NCOR1: variants seen among roughly 807,000 people sequenced by gnomAD.
NCOR1 encodes nuclear receptor corepressor 1.
NCOR1 carries 63 observed loss-of-function variants against 288.1 expected under a neutral mutation model. The ratio of observed to expected loss-of-function variants is 0.22; its 90% CI spans 0.18 to 0.27. NCOR1 has a LOEUF of 0.27. Among genes scored for constraint, NCOR1 ranks in the 10% least tolerant of loss-of-function variants. The probability of loss-of-function intolerance (pLI) is 1.00; values close to 1 mark genes in which losing one functional copy is unlikely to be tolerated. For synonymous variants in NCOR1, 1,007 were observed against 1,065.9 expected (o/e 0.94, Z 1.08); for missense variants, 2,397 against 3,019.2 (o/e 0.79, Z 4.83).
At chr17:16,052,826 G>T (rs11657912) in intron 40 of NCOR1, among the ~76,000 whole-genome samples, 66,421 of 152,012 alleles carry the variant, frequency 0.44, 15,952 homozygotes, top group Middle Eastern at 0.57. Flanking sequence ...TATCCTTGAT[G>T]AACATGAATG....
At chr17:16,210,757 TCTCA>T (rs201965095) in intron 1 of NCOR1, among the ~76,000 whole-genome samples, 2,390 of 150,784 alleles carry the variant, frequency 0.016, 60 homozygotes, top group African/African-American at 0.055. Flanking sequence ...TGAGGCAGAG[TCTCA>T]CTCAGTCACC....
Position 16,143,710 on chromosome 17 carries a change from A to G in NCOR1, c.1083-14T>C. 6.3e-7 allele frequency: 1 copy of G among 1,585,438 alleles called. No homozygotes were observed. Among genetic ancestry groups the G allele is most frequent in the Non-Finnish European group, 8.6e-7 (1 of 1,158,184 alleles). ...CTCTGCCCAACTCTAAACATGAGGG[A>G]GAAATTAAAAATATATTTAAAGACC... On this transcript the variant is annotated splice_polypyrimidine_tract_variant and intron_variant, in intron 10 of 45. Coordinates refer to ENST00000268712, the MANE Select transcript of NCOR1 (RefSeq NM_006311.4).
intron 19 of NCOR1, among the ~76,000 whole-genome samples, chr17:16,104,489 G>C (rs2068218508): frequency 6.6e-6 from 1 of 152,202 alleles, no homozygotes; most frequent in Non-Finnish European, 1.5e-5. Context: ...ATGTGATATA[G>C]GCTGAGAGTG....
At chr17:16,047,762 C>G (rs1402665018) in intron 41 of NCOR1, among the ~76,000 whole-genome samples, 1 of 152,148 alleles carries the variant, frequency 6.6e-6, no homozygotes, top group East Asian at 1.9e-4. Context: ...GAGATGAGAA[C>G]AGAGACTATA....
chr17:16,210,627 T>C (rs2092026375), intron 1 of NCOR1, among the ~76,000 whole-genome samples: 1 of 152,178 alleles, frequency 6.6e-6, no homozygotes, highest in Admixed American at 6.5e-5. Context: ...ATCAATTTTT[T>C]CAAACTATAT....
intron 4 of NCOR1, among the ~76,000 whole-genome samples, chr17:16,171,551 A>G (rs905325613): frequency 6.6e-6 from 1 of 152,242 alleles, no homozygotes; most frequent in Admixed American, 6.5e-5. Flanking sequence ...GCATTATTTA[A>G]TAGAAATTCT....
intron 20 of NCOR1, 192 bp from the exon 21 acceptor site, chr17:16,098,688 A>G (rs1218980358): frequency 1.7e-5 from 7 of 416,248 alleles, no homozygotes; most frequent in Non-Finnish European, 2.9e-5. Flanking sequence ...TTTTCCAGAT[A>G]AAGAAACTGA....
chr17:16,044,520 G>C (rs1296527270), intron 42 of NCOR1: 1 of 486,926 alleles, frequency 2.1e-6, no homozygotes, highest in Non-Finnish European at 4.2e-6. Flanking sequence ...CACAGTGCTT[G>C]GTCCTTCCAA....
chr17:16,127,275 A>G (rs924396819), intron 14 of NCOR1, among the ~76,000 whole-genome samples: 1 of 100,454 alleles, frequency 1.0e-5, no homozygotes, highest in South Asian at 2.7e-4. Flanking sequence ...ATATGTATGT[A>G]TATATACGTG....
intron 37 of NCOR1, among the ~76,000 whole-genome samples, chr17:16,059,638 C>T (rs1487706084): frequency 6.6e-6 from 1 of 152,156 alleles, no homozygotes; most frequent in African/African-American, 2.4e-5. Flanking sequence ...CAGATGTAAC[C>T]GCCTGCTCAG....
chr17:16,088,205 T>C (rs896168799), intron 22 of NCOR1, among the ~76,000 whole-genome samples: 8 of 152,070 alleles, frequency 5.3e-5, no homozygotes, highest in East Asian at 1.9e-4. Flanking sequence ...AAAGAATAAA[T>C]AGAATTTTCA....
In NCOR1 at chr17:16,031,227, A is replaced by G; in HGVS notation, c.*1069T>C. ...TGCTGGTCCATAGTGATGGGGAAAA[A>G]GGACTGTGTTCACCATGAGTTTTTC... On this transcript the variant is annotated 3_prime_UTR_variant, in exon 46 of 46. Coordinates refer to ENST00000268712, the MANE Select transcript of NCOR1 (RefSeq NM_006311.4). 1 of 199,072 alleles carries G rather than the reference A, an allele frequency of 5.0e-6. No individual in the cohort carries two copies. The highest frequency in any genetic ancestry group is 1.0e-5 in the Non-Finnish European group (1 of 96,216). 12.3% of individuals were successfully genotyped at this position (199,072 alleles called of 1,614,324 possible). A position where few individuals can be genotyped will look rare whatever the true frequency, so the allele number is the denominator to read the frequency against.
chr17:16,078,246 C>T (rs918242825), intron 26 of NCOR1, among the ~76,000 whole-genome samples: 1 of 152,154 alleles, frequency 6.6e-6, no homozygotes, highest in African/African-American at 2.4e-5. Flanking sequence ...CTGAGGACTG[C>T]TAAAACCCTA....
At chr17:16,064,215 G>A (rs2060863333) in intron 34 of NCOR1, 28 bp from the exon 35 acceptor site, 1 of 1,597,642 alleles carries the variant, frequency 6.3e-7, no homozygotes, top group South Asian at 1.1e-5. Flanking sequence ...GCAGCTTAAA[G>A]ATAAAAATAT....
chr17:16,075,843 T>C (rs1453742841), intron 26 of NCOR1, 141 bp from the exon 27 acceptor site: 2 of 853,566 alleles, frequency 2.3e-6, no homozygotes, highest in Non-Finnish European at 3.5e-6. Context: ...GAAAGGAAAT[T>C]AGACATTGAA....
At chr17:16,059,027 C>A (rs1310664822) in intron 37 of NCOR1, among the ~76,000 whole-genome samples, 4 of 100,620 alleles carry the variant, frequency 4.0e-5, no homozygotes, top group African/African-American at 7.9e-5. Flanking sequence ...CCATTCTGGG[C>A]AACAAGAGCG....
At position 16,138,224 on chromosome 17, in the gene NCOR1, C is replaced by T. The variant is rs768217467; in HGVS notation, c.1353-12G>A. 3.2e-5 allele frequency: 52 copies of T among 1,601,164 alleles called. No homozygotes were observed. Among genetic ancestry groups the T allele is most frequent in the Middle Eastern group, 1.7e-4 (1 of 6,024 alleles). On this transcript the variant is annotated splice_polypyrimidine_tract_variant and intron_variant, in intron 12 of 45. Transcript: ENST00000268712. ...GATGCTGGATAAACCTGAGTGAAAA[C>T]GAAAACAAAAACACACTTGCGTACA...
chr17:16,190,958 T>C (rs973799192), intron 2 of NCOR1, among the ~76,000 whole-genome samples: 2 of 152,338 alleles, frequency 1.3e-5, no homozygotes, highest in South Asian at 2.1e-4. Context: ...ACCTAAATCA[T>C]GTCCCACAAT....
At chr17:16,134,894 T>A (rs1338968055) in intron 14 of NCOR1, among the ~76,000 whole-genome samples, 1 of 152,208 alleles carries the variant, frequency 6.6e-6, no homozygotes, top group East Asian at 1.9e-4. Context: ...GCGCCGTGGC[T>A]CATGCCTGTA....
Sources: gnomAD v4.1 joint callset for allele counts (sites outside exome capture counted in the v4.1 genomes callset) on GRCh38, gnomAD v4.1.1 for gene constraint, MANE v1.5 for transcripts, NCBI Gene and HGNC (gene_info 2026-07-23, HGNC 2026-07-21) for gene names.